The following CSF3R variants were observed in gnomAD, a reference collection of about 807,000 sequenced individuals.
CSF3R encodes the protein colony stimulating factor 3 receptor, also known as granulocyte colony-stimulating factor receptor.
A neutral mutation model predicts 84.4 loss-of-function variants in CSF3R; 52 were observed. The ratio of observed to expected loss-of-function variants is 0.62; its 90% confidence interval spans 0.49 to 0.78. CSF3R has a LOEUF of 0.78. Among genes scored for constraint, CSF3R ranks in the 30% least tolerant of loss-of-function variants. The pLI, the probability that CSF3R is intolerant of heterozygous loss-of-function variation, is 0.00. For synonymous variants in CSF3R, 384 were observed against 429.1 expected, an observed-to-expected ratio of 0.89 and a Z score of 1.30; for missense variants, 890 against 1,055.7, an observed-to-expected ratio of 0.84 and a Z score of 2.17.
Position 36,472,644 on chromosome 1 carries a change from G to A in CSF3R, c.716C>T (p.Pro239Leu), listed in dbSNP as rs1236101524. The A allele has an allele frequency of 1.2e-6, 2 of 1,610,432 alleles. No homozygotes were observed. Among genetic ancestry groups the A allele is most frequent in the East Asian group, 2.2e-5 (1 of 44,784 alleles). The stretch of plus-strand genomic sequence containing the variant: ...GCCTGCCTGGGGAGGGGCCGCTTCA[G>A]GGCTGGGGTCCATGGTCCGCAGCAT... ...PPMLRTMDPS[P>L]EAAPPQAGCL... Residue 239 changes from proline to leucine, a missense_variant, in exon 7 of 17, where the codon CCT becomes CTT. Transcript: ENST00000373106. This position sits in a 1 kb window ranked among gnomAD's most constrained non-coding sequence, Gnocchi z 5.0.
intron 12 of CSF3R, chr1:36,468,835 A>G (rs1280373575): frequency 8.4e-6 from 3 of 356,934 alleles, no homozygotes; most frequent in African/African-American, 6.3e-5. Flanking sequence ...TGTTAGGATT[A>G]CAGGTGTGAG....
At chr1:36,471,351 G>T in intron 10 of CSF3R, 82 bp downstream of exon 10, 1 of 1,382,494 alleles carries the variant, frequency 7.2e-7, no homozygotes, top group Non-Finnish European at 1.0e-6. Flanking sequence ...CCGGCCAATA[G>T]GACTAGATTT....
In CSF3R at chr1:36,475,547, C is replaced by A. The variant is rs746426204; in HGVS notation, c.191G>T (p.Arg64Ile). ...HLDPEPQILW[R>I]LGAELQPGGR... ...CCCGGGCTGAAGCTCTGCTCCCAGT[C>A]TCCACAGAATCTGTGGCTCCGGGTC... is the stretch of plus-strand genomic sequence containing the variant. The change falls in exon 4 of 17, where the codon AGA becomes ATA. Residue 64 changes from arginine to isoleucine, a missense_variant. Transcript: ENST00000373106. The A allele has an allele frequency of 6.2e-7, 1 of 1,614,144 alleles. No individual in the cohort carries two copies. Among genetic ancestry groups the A allele is most frequent in the South Asian group, 1.1e-5 (1 of 91,080 alleles).
rs373095416 is a variant in CSF3R at position 36,466,753 on chromosome 1, C to T, written c.2115G>A (p.Lys705=). The change falls in exon 17 of 17, where the codon AAG becomes AAA. Residue 705 remains lysine (K), a synonymous_variant. Coordinates refer to ENST00000373106, the MANE Select transcript of CSF3R (RefSeq NM_000760.4). This position sits in a 1 kb window ranked among gnomAD's most constrained non-coding sequence, Gnocchi z 4.6. ...TGTTATGGGACTCCCAGGGCACCGG[C>T]TTCTTTTCATCCTCCTCCAGCACTG... ...KLTVLEEDEK[K]PVPWESHNSS... The T allele has an allele frequency of 6.2e-6, 10 of 1,614,092 alleles. No homozygotes were observed. Among genetic ancestry groups the T allele is most frequent in the South Asian group, 1.1e-5 (1 of 91,094 alleles).
chr1:36,468,776 G>T, intron 12 of CSF3R: 1 of 261,406 alleles, frequency 3.8e-6, no homozygotes, highest in Non-Finnish European at 7.5e-6. Context: ...GCCTAGGCTG[G>T]TCTCAAACTC....
intron 10 of CSF3R, among the ~76,000 whole-genome samples, chr1:36,470,860 A>G (rs940285589): frequency 6.6e-6 from 1 of 152,136 alleles, no homozygotes; most frequent in Non-Finnish European, 1.5e-5. Context: ...TAATGATAAT[A>G]ACAACAGCAG....
rs557754796 is a variant in CSF3R at position 36,468,060 on chromosome 1, T to C, written c.1723+15A>G. 1.2e-6 allele frequency: 2 copies of C among 1,614,218 alleles called. No individual in the cohort carries two copies. Among genetic ancestry groups the C allele is most frequent in the African/African-American group, 2.7e-5 (2 of 75,062 alleles). Reference sequence around the variant, plus strand: ...AGGCCTTCTGGGGCTGTGGGGGAACTGAGGATAGACTCACAGAAGGACTGG... The same window carrying C: ...AGGCCTTCTGGGGCTGTGGGGGAACCGAGGATAGACTCACAGAAGGACTGG... On this transcript the variant is annotated intron_variant, in intron 13 of 16. Coordinates refer to ENST00000373106, the MANE Select transcript of CSF3R (RefSeq NM_000760.4).
chr1:36,467,026 T>A lies in CSF3R; in HGVS notation c.2041-199A>T. On this transcript the variant is annotated intron_variant, in intron 16 of 16. Transcript: ENST00000373106. This position sits in a 1 kb window ranked among gnomAD's most constrained non-coding sequence, Gnocchi z 4.1. ...CATGCACCGTTCAGACTCAGCATGG[T>A]CAGTTTTTCCATATCACAGGGAGGT... is the stretch of plus-strand genomic sequence containing the variant. The A allele has an allele frequency of 7.2e-7, 1 of 1,395,322 alleles. No individual in the cohort carries two copies. Among genetic ancestry groups the A allele is most frequent in the African/African-American group, 1.4e-5 (1 of 70,460 alleles). 86.4% of individuals were successfully genotyped at this position (1,395,322 alleles called of 1,614,324 possible).
rs1163880913 is a variant in CSF3R, at chr1:36,475,436, C to T, written c.302G>A (p.Cys101Tyr). 1.2e-6 allele frequency: 2 copies of T among 1,614,038 alleles called. No individual in the cohort carries two copies. Residue 101 changes from cysteine to tyrosine, a missense_variant, in exon 4 of 17, where the codon TGC becomes TAC. By Grantham distance (194) the Cys-to-Tyr change is radical. Coordinates refer to ENST00000373106, the MANE Select transcript of CSF3R (RefSeq NM_000760.4). ...CAGGCTGTTGCCCCAGTTCAGGCAG[C>T]AGGAGAGAAAGGCCTGAGTGTGGTT... ...HLNHTQAFLS[C>Y]CLNWGNSLQI... is the part of the protein sequence containing the mutation.
In CSF3R at chr1:36,475,475, G is replaced by A. The variant is rs772516569; in HGVS notation, c.263C>T (p.Thr88Ile). 3 of 1,614,084 alleles carry A rather than the reference G, an allele frequency of 1.9e-6. No individual in the cohort carries two copies. The highest frequency in any genetic ancestry group is 3.3e-5 in the Admixed American group (2 of 60,010). ...CTGAGTGTGGTTGAGGTGGGGCAGG[G>A]TGATGATAGATTCCTGGGTCCCATC... Reference protein sequence around the residue: ...LSDGTQESIITLPHLNHTQAF... With the variant: ...LSDGTQESIIILPHLNHTQAF... Residue 88 changes from threonine to isoleucine, a missense_variant, in exon 4 of 17, where the codon ACC becomes ATC. Physicochemically the swap from Thr to Ile is moderately conservative, Grantham distance 89 (BLOSUM62 -1). Coordinates refer to ENST00000373106, the MANE Select transcript of CSF3R (RefSeq NM_000760.4).
intron 9 of CSF3R, 91 bp from the exon 10 acceptor site, chr1:36,471,737 C>T (rs780080148): frequency 2.1e-5 from 27 of 1,311,686 alleles, no homozygotes; most frequent in Admixed American, 1.3e-4. Context: ...ATCATACAAA[C>T]GGAGCCTCCC....
At position 36,472,699 on chromosome 1, in the gene CSF3R, G is replaced by A; in HGVS notation, c.674-13C>T. ...GGCTCCAGTTTCACTGCAAGGAGTG[G>A]GGCTGTCAGAAGGTCTCCCTATCCC... On this transcript the variant is annotated splice_polypyrimidine_tract_variant and intron_variant, in intron 6 of 16. Coordinates refer to ENST00000373106, the MANE Select transcript of CSF3R (RefSeq NM_000760.4). This position sits in a 1 kb window ranked among gnomAD's most constrained non-coding sequence, Gnocchi z 5.0. The A allele has an allele frequency of 6.3e-7, 1 of 1,581,342 alleles. No homozygotes were observed. The highest frequency in any genetic ancestry group is 8.6e-7 in the Non-Finnish European group (1 of 1,161,488).
At chr1:36,468,321 A>T in intron 12 of CSF3R, 100 bp from the exon 13 acceptor site, 2 of 1,304,596 alleles carry the variant, frequency 1.5e-6, no homozygotes, top group Non-Finnish European at 2.1e-6. Flanking sequence ...GTGGGTGAGA[A>T]AAGAGTCCAA....
rs1047054210 is a variant in CSF3R at position 36,475,596 on chromosome 1, T to C, written c.142A>G (p.Ile48Val). 1.9e-5 allele frequency: 30 copies of C among 1,611,382 alleles called. No individual in the cohort carries two copies. In the Admixed American group the frequency reaches 4.3e-4, roughly 23 times the overall value. The change falls in exon 4 of 17, where the codon ATC becomes GTC. Residue 48 changes from isoleucine to valine, a missense_variant. Coordinates refer to ENST00000373106, the MANE Select transcript of CSF3R (RefSeq NM_000760.4). ...TCCAGATGGCTGCAGTTCTGCTTGA[T>C]GATGCAGGAGGCTGTGATGGGATCC... ...LGDPITASCI[I>V]KQNCSHLDPE... is the part of the protein sequence containing the mutation.
chr1:36,473,322 T>A, intron 6 of CSF3R, 113 bp downstream of exon 6: 2 of 1,222,468 alleles, frequency 1.6e-6, no homozygotes, highest in Non-Finnish European at 2.3e-6. Context: ...TCTGTGCCTC[T>A]GTCTCTAGGT....
At position 36,482,286 on chromosome 1, in the gene CSF3R, C is replaced by T. The variant is rs866689049; in HGVS notation, c.-81+525G>A. On this transcript the variant is annotated intron_variant, in intron 1 of 16. Coordinates refer to ENST00000373106, the MANE Select transcript of CSF3R (RefSeq NM_000760.4). ...AGACAGAGAAAAAGGGCCCAATGTACGCCGACCCAGAGAGTGGGCGGGGGG... is the reference window on the plus strand; with the variant it reads ...AGACAGAGAAAAAGGGCCCAATGTATGCCGACCCAGAGAGTGGGCGGGGGG... Among the ~76,000 whole-genome samples, 134 of 139,298 alleles carry T rather than the reference C, an allele frequency of 9.6e-4. 1 individual carries two copies. In the Middle Eastern group the frequency reaches 0.018, roughly 18 times the overall value. 91.4% of individuals were successfully genotyped at this position (139,298 alleles called of 152,430 possible). A position where few individuals can be genotyped will look rare whatever the true frequency, so the allele number is the denominator to read the frequency against.
Position 36,467,323 on chromosome 1 carries a change from G to A in CSF3R, c.1959-12C>T, listed in dbSNP as rs1218303571. The A allele has an allele frequency of 3.1e-6, 5 of 1,613,502 alleles. No individual in the cohort carries two copies. The highest frequency in any genetic ancestry group is 2.2e-5 in the South Asian group (2 of 91,076). ...GGGGATTCTTCCTGCTGGAGAAGGG[G>A]GCAGGTGGAGGCTGAGTCAGACACA... On this transcript the variant is annotated splice_polypyrimidine_tract_variant and intron_variant, in intron 15 of 16. Transcript: ENST00000373106. This position sits in a 1 kb window ranked among gnomAD's most constrained non-coding sequence, Gnocchi z 4.1.
Position 36,467,961 on chromosome 1 carries a change from G to A in CSF3R, c.1725C>T (p.Ser575=), listed in dbSNP as rs758984105. 7.4e-6 allele frequency: 12 copies of A among 1,614,068 alleles called. No individual in the cohort carries two copies. The highest frequency in any genetic ancestry group is 4.0e-5 in the African/African-American group (3 of 74,936). The change falls in exon 14 of 17, where the codon TCC becomes TCT. Residue 575 remains serine, a splice_region_variant and synonymous_variant. Transcript: ENST00000373106. The surrounding 1 kb of genome is among the most constrained non-coding windows in gnomAD (Gnocchi z 4.1). ...CACGGGAGGAGGCATTCAGGATGGC[G>A]GCTGGGAGGGGTGTACGGTCAGCAT... ...FWTNAQNQSF[S]AILNASSRGF... is the part of the protein sequence containing the mutation.
In CSF3R at chr1:36,472,855, C is replaced by T. The variant is rs573020008; in HGVS notation, c.674-169G>A. ...TTGTTTCTCTCTAGGTCTCTGTTTC[C>T]GCTCTTGCCCCAGGGCCTTTGCACT... On this transcript the variant is annotated intron_variant, in intron 6 of 16. Transcript: ENST00000373106. The surrounding 1 kb of genome is among the most constrained non-coding windows in gnomAD (Gnocchi z 5.0). 3.1e-4 allele frequency: 257 copies of T among 821,356 alleles called. No homozygotes were observed. Among genetic ancestry groups the T allele is most frequent in the Middle Eastern group, 1.1e-3 (3 of 2,696 alleles). The allele number at this position is 821,356 out of a possible 1,614,324, so 50.9% of individuals were successfully genotyped here.
Sources: allele counts gnomAD v4.1 joint callset (sites outside exome capture counted in the v4.1 genomes callset), GRCh38; gene constraint gnomAD v4.1.1; non-coding constraint Gnocchi (gnomAD v3.1); transcripts MANE v1.5; gene names NCBI Gene and HGNC (gene_info 2026-07-23, HGNC 2026-07-21).